The following PSME4 variants were observed in gnomAD, a reference collection of about 807,000 sequenced individuals.
PSME4 encodes proteasome activator complex subunit 4.
Under a neutral mutation model 253.9 loss-of-function variants are expected in PSME4, and 89 were observed. The observed-to-expected ratio is 0.35, with a 90% confidence interval of 0.30 to 0.42. The LOEUF (loss-of-function observed/expected upper bound fraction) is 0.42. PSME4 is among the 10% of genes least tolerant of loss of function. The pLI, the probability that PSME4 is intolerant of heterozygous loss-of-function variation, is 1.00. For synonymous variants in PSME4, 851 were observed against 759.2 expected (o/e 1.12, Z -1.99); for missense variants, 2,014 against 2,195.2 (o/e 0.92, Z 1.65).
At chr2:53,962,023 A>G (rs1046087604) in intron 1 of PSME4, among the ~76,000 whole-genome samples, 12 of 152,228 alleles carry the variant, frequency 7.9e-5, no homozygotes, top group Non-Finnish European at 1.3e-4. Flanking sequence ...AGAAAGATAA[A>G]AACACCTTCA....
chr2:53,870,888 G>A (rs1240056165), intron 43 of PSME4: 3 of 151,242 alleles, frequency 2.0e-5, no homozygotes, highest in Non-Finnish European at 4.4e-5. Flanking sequence ...CTCCTGCCTT[G>A]GCCTCCCAAA....
At position 53,954,480 on chromosome 2, in the gene PSME4, T is replaced by C. The variant is rs571247737; in HGVS notation, c.243-5197A>G. Among the ~76,000 whole-genome samples, 18 of 152,294 alleles carry C rather than the reference T, an allele frequency of 1.2e-4. No homozygotes were observed. The East Asian group carries it at 2.3e-3, about 20-fold the overall frequency. On this transcript the variant is annotated intron_variant, in intron 1 of 46. Coordinates refer to ENST00000404125, the MANE Select transcript of PSME4 (RefSeq NM_014614.3). ...CAGAGTGAGACCCTCATCTCTATTATACATATTTAAAAATGTAATAATAAC... is the reference window on the plus strand; with the variant it reads ...CAGAGTGAGACCCTCATCTCTATTACACATATTTAAAAATGTAATAATAAC...
chr2:53,921,570 T>C (rs182716622), intron 17 of PSME4, among the ~76,000 whole-genome samples: 1 of 141,264 alleles, frequency 7.1e-6, no homozygotes, highest in Admixed American at 7.1e-5. Context: ...AAAAAAATGA[T>C]AAAGAAAACT....
intron 36 of PSME4, among the ~76,000 whole-genome samples, 173 bp downstream of exon 36, chr2:53,892,635 A>G (rs1679963545): frequency 6.6e-6 from 1 of 152,176 alleles, no homozygotes; most frequent in South Asian, 2.1e-4. Context: ...AAATGTTCCT[A>G]GAGACCATTA....
At chr2:53,878,307 TCTTTA>T (rs1468755834) in intron 41 of PSME4, among the ~76,000 whole-genome samples, 6 of 152,358 alleles carry the variant, frequency 3.9e-5, no homozygotes, top group Middle Eastern at 3.4e-3. Context: ...CCTATGCCTG[TCTTTA>T]CTTTAATCTC....
chr2:53,935,955 G>T, intron 7 of PSME4, 132 bp downstream of exon 7: 1 of 1,208,936 alleles, frequency 8.3e-7, no homozygotes, highest in Non-Finnish European at 1.1e-6. Context: ...GTGCAGTACT[G>T]CAATCTTGGC....
chr2:53,922,912 T>C (rs1216504947), intron 16 of PSME4, 137 bp downstream of exon 16: 4 of 728,130 alleles, frequency 5.5e-6, no homozygotes, highest in Non-Finnish European at 8.5e-6. Context: ...ATATCTTTTT[T>C]GGAGACAAAT....
rs1668415834 is a variant in PSME4 at position 53,923,439 on chromosome 2, T to C, written c.1810-20A>G. 1 of 1,562,930 alleles carries C rather than the reference T, an allele frequency of 6.4e-7. No homozygotes were observed. The highest frequency in any genetic ancestry group is 1.2e-5 in the South Asian group (1 of 81,702). On this transcript the variant is annotated intron_variant, in intron 14 of 46. Transcript: ENST00000404125. ...GGCCACCTGTTAAGATATGAAAATG[T>C]TTAATGAGCATTTTTTAAGAAAATT...
intron 28 of PSME4, 94 bp from the exon 29 acceptor site, chr2:53,900,111 A>G: frequency 8.9e-7 from 1 of 1,117,878 alleles, no homozygotes; most frequent in Non-Finnish European, 1.3e-6. Context: ...GAAAGAGGCC[A>G]GACACAAAAG....
intron 11 of PSME4, 76 bp downstream of exon 11, chr2:53,928,041 C>T (rs1233565673): frequency 8.4e-7 from 1 of 1,195,888 alleles, no homozygotes; most frequent in Non-Finnish European, 1.2e-6. Context: ...GCACAAACTT[C>T]TCCAACCTTT....
At chr2:53,903,465 C>G (rs1299382186) in intron 27 of PSME4, among the ~76,000 whole-genome samples, 4 of 152,150 alleles carry the variant, frequency 2.6e-5, no homozygotes, top group Non-Finnish European at 5.9e-5. Context: ...TATATATTAC[C>G]TATACTTTAT....
At position 53,948,233 on chromosome 2, in the gene PSME4, A is replaced by G. The variant is rs113886655; in HGVS notation, c.500+188T>C. Among the ~76,000 whole-genome samples the G allele has an allele frequency of 1.9e-4, 29 of 152,378 alleles. 1 individual carries two copies. The highest frequency in any genetic ancestry group is 6.7e-4 in the African/African-American group (28 of 41,596). On this transcript the variant is annotated intron_variant, in intron 3 of 46. Coordinates refer to ENST00000404125, the MANE Select transcript of PSME4 (RefSeq NM_014614.3). ...AGGTGCAAGAAGTCAATGATCTGCA[A>G]GAGAGATGCAGCCTCAGATACAGTT...
intron 13 of PSME4, 44 bp from the exon 14 acceptor site, chr2:53,925,733 G>C (rs768135677): frequency 1.3e-6 from 2 of 1,570,476 alleles, no homozygotes; most frequent in East Asian, 2.3e-5. Context: ...CTAAAATCTG[G>C]TTTGACATTT....
At chr2:53,954,114 G>A (rs1279546761) in intron 1 of PSME4, among the ~76,000 whole-genome samples, 2 of 152,058 alleles carry the variant, frequency 1.3e-5, no homozygotes, top group Non-Finnish European at 2.9e-5. Context: ...CAGATCACGA[G>A]GTCAGGAGTT....
At chr2:53,928,074 C>G in intron 11 of PSME4, 43 bp downstream of exon 11, 1 of 1,482,264 alleles carries the variant, frequency 6.7e-7, no homozygotes, top group Non-Finnish European at 9.2e-7. Flanking sequence ...GTTTACTTTG[C>G]CTCCTACCTA....
At chr2:53,936,038 C>T (rs373670368) in intron 7 of PSME4, 49 bp downstream of exon 7, 40 of 1,574,400 alleles carry the variant, frequency 2.5e-5, no homozygotes, top group African/African-American at 1.1e-4. Context: ...GGATTACAGG[C>T]GCCTACCACC....
chr2:53,897,033 A>G, intron 31 of PSME4, 148 bp from the exon 32 acceptor site: 1 of 641,440 alleles, frequency 1.6e-6, no homozygotes, highest in African/African-American at 1.8e-5. Flanking sequence ...TGTGAGTGCT[A>G]AATCTGACTT....
At chr2:53,892,781 T>C (rs749669877) in intron 36 of PSME4, 27 bp downstream of exon 36, 20 of 1,584,146 alleles carry the variant, frequency 1.3e-5, no homozygotes, top group Admixed American at 9.0e-5. Context: ...TAACAGGAAA[T>C]GTTCTGTACA....
intron 14 of PSME4, among the ~76,000 whole-genome samples, chr2:53,923,884 C>G (rs1462622967): frequency 7.4e-6 from 1 of 134,366 alleles, no homozygotes; most frequent in Non-Finnish European, 1.5e-5. Flanking sequence ...GATCGCGACA[C>G]TGCACTCCAG....
Sources: allele counts gnomAD v4.1 joint callset (sites outside exome capture counted in the v4.1 genomes callset), GRCh38; gene constraint gnomAD v4.1.1; transcripts MANE v1.5; gene names NCBI Gene and HGNC (gene_info 2026-07-23, HGNC 2026-07-21).